AKAP8L: variants seen among roughly 807,000 people sequenced by gnomAD.
AKAP8L encodes the protein A-kinase anchoring protein 8 like, also known as A-kinase anchor protein 8-like.
Under a neutral mutation model 77.5 loss-of-function variants are expected in AKAP8L, and 34 were observed. The observed-to-expected ratio is 0.44, with a 90% CI of 0.33 to 0.58. The LOEUF is 0.58. AKAP8L is among the 20% of genes least tolerant of loss of function. The pLI is 0.02. For missense variants in AKAP8L, 806 were observed against 887.6 expected, an observed-to-expected ratio of 0.91 and a Z score of 1.17; for synonymous variants, 342 against 340.7, an observed-to-expected ratio of 1.00 and a Z score of -0.04.
chr19:15,399,121 C>A lies in AKAP8L; in HGVS notation c.1157+181G>T, dbSNP rs1002801556. On this transcript the variant is annotated intron_variant, in intron 9 of 13. Coordinates refer to ENST00000397410, the MANE Select transcript of AKAP8L (RefSeq NM_014371.4). This position sits in a 1 kb window ranked among gnomAD's most constrained non-coding sequence, Gnocchi z 6.1. The stretch of plus-strand genomic sequence containing the variant: ...CGGTCGCCAGGCGGCCGCAGAGGGG[C>A]AGGGGATGAGTCAGGCCTTGGGAGC... 1 of 620,850 alleles carries A rather than the reference C, an allele frequency of 1.6e-6. No homozygotes were observed. The highest frequency in any genetic ancestry group is 2.8e-6 in the Non-Finnish European group (1 of 355,344). 38.5% of individuals were successfully genotyped at this position (620,850 alleles called of 1,614,324 possible). A position where few individuals can be genotyped will look rare whatever the true frequency, so the allele number is the denominator to read the frequency against.
chr19:15,394,480 G>A lies in AKAP8L; in HGVS notation c.1536+2670C>T, dbSNP rs529435840. 1.6e-4 allele frequency among the ~76,000 whole-genome samples: 24 copies of A among 152,208 alleles called. 1 individual carries two copies. In the South Asian group the frequency reaches 5.0e-3, roughly 32 times the overall value. ...AAGGTGATGAAAATATTCTGTAATC[G>A]ACTGGTTGATGACTGCAGAATTCTG... On this transcript the variant is annotated intron_variant, in intron 12 of 13. Transcript: ENST00000397410.
intron 1 of AKAP8L, among the ~76,000 whole-genome samples, chr19:15,415,564 C>T (rs1266972096): frequency 6.6e-6 from 1 of 151,802 alleles, no homozygotes; most frequent in Non-Finnish European, 1.5e-5. Context: ...GATCATAGCT[C>T]AGCAATGTTG....
At chr19:15,384,788 T>G (rs902060625) in intron 12 of AKAP8L, among the ~76,000 whole-genome samples, 2 of 152,260 alleles carry the variant, frequency 1.3e-5, no homozygotes, top group African/African-American at 2.4e-5. Context: ...AACATTTTGC[T>G]GGGATCATTC....
chr19:15,405,465 G>A (rs1487740927), intron 2 of AKAP8L, among the ~76,000 whole-genome samples: 2 of 151,794 alleles, frequency 1.3e-5, no homozygotes, highest in Non-Finnish European at 2.9e-5. Flanking sequence ...AGGCGGCAGA[G>A]TTTGCAGTGA....
At chr19:15,384,715 C>T (rs1967492477) in intron 12 of AKAP8L, among the ~76,000 whole-genome samples, 1 of 152,172 alleles carries the variant, frequency 6.6e-6, no homozygotes, top group Non-Finnish European at 1.5e-5. Flanking sequence ...AATAGAGAAA[C>T]ACTACGACTT....
chr19:15,392,082 C>T (rs781135297), intron 12 of AKAP8L, among the ~76,000 whole-genome samples: 11 of 152,216 alleles, frequency 7.2e-5, no homozygotes, highest in Non-Finnish European at 1.2e-4. Context: ...AATCCTCCCA[C>T]CTTCACCTCC....
intron 2 of AKAP8L, among the ~76,000 whole-genome samples, chr19:15,407,276 G>A (rs939088657): frequency 6.6e-6 from 1 of 152,008 alleles, no homozygotes; most frequent in Non-Finnish European, 1.5e-5. Context: ...AATAAAATAA[G>A]AGCAGTACCC....
intron 12 of AKAP8L, among the ~76,000 whole-genome samples, chr19:15,389,983 C>G (rs1000572338): frequency 2.0e-5 from 3 of 151,378 alleles, no homozygotes; most frequent in African/African-American, 7.3e-5. Flanking sequence ...GACCCTGTCT[C>G]TATTTATTTT....
At chr19:15,402,191 G>A (rs1181673917) in intron 4 of AKAP8L, among the ~76,000 whole-genome samples, 1 of 152,154 alleles carries the variant, frequency 6.6e-6, no homozygotes, top group East Asian at 1.9e-4. Context: ...AAAAAGAGCT[G>A]TATTACATCA....
At position 15,399,889 on chromosome 19, in the gene AKAP8L, G is replaced by C; in HGVS notation, c.1048+406C>G. On this transcript the variant is annotated intron_variant, in intron 8 of 13. Coordinates refer to ENST00000397410, the MANE Select transcript of AKAP8L (RefSeq NM_014371.4). This position sits in a 1 kb window ranked among gnomAD's most constrained non-coding sequence, Gnocchi z 6.1. Reference sequence around the variant, plus strand: ...CGGAATCCCAACAGGGGCTGGAGAGGTGCTAAGGGAGAGGATACGCACACC... The same window carrying C: ...CGGAATCCCAACAGGGGCTGGAGAGCTGCTAAGGGAGAGGATACGCACACC... 3.0e-6 allele frequency: 1 copy of C among 329,284 alleles called. No individual in the cohort carries two copies. Among genetic ancestry groups the C allele is most frequent in the South Asian group, 3.6e-5 (1 of 27,844 alleles). 20.4% of individuals were successfully genotyped at this position (329,284 alleles called of 1,614,324 possible).
In AKAP8L at chr19:15,380,270, C is replaced by T. The variant is rs1252966353; in HGVS notation, c.1793G>A (p.Gly598Glu). Residue 598 changes from glycine (G) to glutamate (E), a missense_variant, in exon 14 of 14, where the codon GGG (glycine) becomes GAG (glutamate). Physicochemically the swap from Gly to Glu is moderately conservative, Grantham distance 98. This residue lies in a region of AKAP8L where 226 missense variants were observed against 193.5 expected (regional missense o/e 1.17). Coordinates refer to ENST00000397410, the MANE Select transcript of AKAP8L (RefSeq NM_014371.4). ...CGGCGGCGGTGGCGGCGACACGGCC[C>T]CGGGGGCTGGCTCTGGGGGCACGGG... ...QPPVPPEPAP[G>E]AVSPPPPPPP... is the part of the protein sequence containing the mutation. 6.6e-7 allele frequency: 1 copy of T among 1,516,204 alleles called. No homozygotes were observed. The highest frequency in any genetic ancestry group is 8.8e-7 in the Non-Finnish European group (1 of 1,140,270). 93.9% of individuals were successfully genotyped at this position (1,516,204 alleles called of 1,614,324 possible). A position where few individuals can be genotyped will look rare whatever the true frequency, so the allele number is the denominator to read the frequency against.
At position 15,387,970 on chromosome 19, in the gene AKAP8L, C is replaced by T. The variant is rs557142685; in HGVS notation, c.1537-7358G>A. Among the ~76,000 whole-genome samples, 160 of 119,092 alleles carry T rather than the reference C, an allele frequency of 1.3e-3. 1 individual carries two copies. The highest frequency in any genetic ancestry group is 4.8e-3 in the African/African-American group (152 of 31,434). The allele number at this position is 119,092 out of a possible 152,430, so 78.1% of individuals were successfully genotyped here. On this transcript the variant is annotated intron_variant, in intron 12 of 13. Transcript: ENST00000397410. ...CAAGACTCTTGTCTGGGAGAGGGGG[C>T]GGGGAGGGGAGGGGAAAAAAATCCC...
At chr19:15,415,578 T>C (rs1292014488) in intron 1 of AKAP8L, among the ~76,000 whole-genome samples, 1 of 151,860 alleles carries the variant, frequency 6.6e-6, no homozygotes, top group African/African-American at 2.4e-5. Context: ...AATGTTGAAC[T>C]CCTGGGCTCC....
In AKAP8L at chr19:15,397,057, TCA is replaced by T; in HGVS notation, c.1536+91_1536+92del. 1.3e-6 allele frequency: 2 copies of T among 1,554,292 alleles called. No homozygotes were observed. The highest frequency in any genetic ancestry group is 1.8e-6 in the Non-Finnish European group (2 of 1,139,222). ...CTCCTCCTGCCTCCACTGCAGTCCCTCACGGGCTGGCAGAGGTTCCAACTGCA... is the reference window on the plus strand; with the variant it reads ...CTCCTCCTGCCTCCACTGCAGTCCCTCGGGCTGGCAGAGGTTCCAACTGCA... On this transcript the variant is annotated intron_variant, in intron 12 of 13. Transcript: ENST00000397410. The surrounding 1 kb of genome is among the most constrained non-coding windows in gnomAD (Gnocchi z 4.7).
intron 12 of AKAP8L, among the ~76,000 whole-genome samples, chr19:15,386,475 C>A (rs1259850654): frequency 6.6e-6 from 1 of 152,142 alleles, no homozygotes; most frequent in Non-Finnish European, 1.5e-5. Flanking sequence ...GGAAAAGCTA[C>A]TAAAACTCAG....
chr19:15,380,180 C>T lies in AKAP8L; in HGVS notation c.1883G>A (p.Arg628His). 2 of 1,505,726 alleles carry T rather than the reference C, an allele frequency of 1.3e-6. No individual in the cohort carries two copies. The highest frequency in any genetic ancestry group is 1.8e-6 in the Non-Finnish European group (2 of 1,135,820). The allele number at this position is 1,505,726 out of a possible 1,614,324, so 93.3% of individuals were successfully genotyped here. ...LLGGALQRQI[R>H]GIPGLDVEDD... ...CTCCACGTCGAGGCCCGGGATGCCGCGGATCTGGCGTTGCAGCGCCCCTCC... is the reference window on the plus strand; with the variant it reads ...CTCCACGTCGAGGCCCGGGATGCCGTGGATCTGGCGTTGCAGCGCCCCTCC... Residue 628 changes from arginine to histidine, a missense_variant, in exon 14 of 14, where the codon CGC (arginine) becomes CAC (histidine). Arg to His is a conservative substitution (Grantham distance 29). This residue lies in a region of AKAP8L where 226 missense variants were observed against 193.5 expected (regional missense o/e 1.17). Coordinates refer to ENST00000397410, the MANE Select transcript of AKAP8L (RefSeq NM_014371.4).
intron 1 of AKAP8L, among the ~76,000 whole-genome samples, chr19:15,412,234 T>G (rs1968118763): frequency 6.6e-6 from 1 of 151,838 alleles, no homozygotes; most frequent in Non-Finnish European, 1.5e-5. Context: ...ACCCCAAAAT[T>G]AGCTGGGTGT....
chr19:15,402,897 C>T lies in AKAP8L; in HGVS notation c.362+578G>A, dbSNP rs552574715. Among the ~76,000 whole-genome samples the T allele has an allele frequency of 1.6e-4, 25 of 152,326 alleles. No homozygotes were observed. In the South Asian group the frequency reaches 4.8e-3, roughly 29 times the overall value. ...CCACCAAGTACTTGCTGCGTGCCTT[C>T]AGGGTATGACCTGCCTGCACTTCTG... is the stretch of plus-strand genomic sequence containing the variant. On this transcript the variant is annotated intron_variant, in intron 4 of 13. Transcript: ENST00000397410.
Position 15,380,387 on chromosome 19 carries a change from T to C in AKAP8L, c.1676A>G (p.Gln559Arg). Residue 559 changes from glutamine to arginine, a missense_variant, in exon 14 of 14, where the codon CAG becomes CGG. Gln to Arg is a conservative substitution (Grantham distance 43). Transcript: ENST00000397410. ...CAGGGCACCGCCCTCAGCCTCCTCCTGCTCCTTCTCCTCCTCGGGGCTGTC... is the reference window on the plus strand; with the variant it reads ...CAGGGCACCGCCCTCAGCCTCCTCCCGCTCCTTCTCCTCCTCGGGGCTGTC... ...FTDSPEEEKE[Q>R]EEAEGGALDE... 1 of 1,583,362 alleles carries C rather than the reference T, an allele frequency of 6.3e-7. No homozygotes were observed. The highest frequency in any genetic ancestry group is 8.6e-7 in the Non-Finnish European group (1 of 1,167,072).
Sources: gnomAD v4.1 joint callset for allele counts (sites outside exome capture counted in the v4.1 genomes callset) on GRCh38, gnomAD v4.1.1 for gene constraint, gnomAD v4.1.1 regional missense constraint, Gnocchi (gnomAD v3.1) non-coding constraint, MANE v1.5 for transcripts, NCBI Gene and HGNC (gene_info 2026-07-23, HGNC 2026-07-21) for gene names.